The following CHP2 variants were observed in gnomAD, a reference collection of about 807,000 sequenced individuals.
The protein encoded by CHP2 is calcineurin B homologous protein 2.
CHP2 carries 31 observed loss-of-function variants against 24.7 expected under a neutral mutation model. The observed-to-expected ratio is 1.26, with a 90% CI of 0.94 to 1.69. CHP2 has a LOEUF of 1.69. Among genes scored for constraint, CHP2 ranks in the 40% most tolerant of loss-of-function variants. The probability of loss-of-function intolerance (pLI) is 0.00; values close to 1 mark genes in which losing one functional copy is unlikely to be tolerated. For missense variants in CHP2, 319 were observed against 261.5 expected, an observed-to-expected ratio of 1.22 and a Z score of -1.52; for synonymous variants, 97 against 99.1, an observed-to-expected ratio of 0.98 and a Z score of 0.13.
chr16:23,756,005 A>C, intron 3 of CHP2, 58 bp from the exon 4 acceptor site: 1 of 1,613,758 alleles, frequency 6.2e-7, no homozygotes, highest in Non-Finnish European at 8.5e-7. Flanking sequence ...TTAGAGACGG[A>C]GGCAAAGTGA....
rs139657684 is a variant in CHP2, at chr16:23,755,601, C to T, written c.68-60C>T. On this transcript the variant is annotated intron_variant, in intron 1 of 6. Transcript: ENST00000300113. ...GGCCCATCTTCCTGGCCTGTTGGGG[C>T]GGGTTTCTGGAGCTGGCCCTGCAGA... The T allele has an allele frequency of 3.0e-5, 43 of 1,439,146 alleles. No individual in the cohort carries two copies. In the Middle Eastern group the frequency reaches 6.9e-4, roughly 23 times the overall value. 89.1% of individuals were successfully genotyped at this position (1,439,146 alleles called of 1,614,324 possible).
Position 23,758,308 on chromosome 16 carries a change from T to C in CHP2, c.*725T>C, listed in dbSNP as rs1961255194. On this transcript the variant is annotated 3_prime_UTR_variant, in exon 7 of 7. Transcript: ENST00000300113. ...AAATCACTGAAAACCCAACTCAAAG[T>C]GACTTAAGTCAGAAAGAAATTTTAT... 6.6e-6 allele frequency: 1 copy of C among 152,280 alleles called. No homozygotes were observed. The highest frequency in any genetic ancestry group is 6.5e-5 in the Admixed American group (1 of 15,284). 9.4% of individuals were successfully genotyped at this position (152,280 alleles called of 1,614,324 possible). A position where few individuals can be genotyped will look rare whatever the true frequency, so the allele number is the denominator to read the frequency against.
intron 5 of CHP2, among the ~76,000 whole-genome samples, chr16:23,756,844 AT>A (rs1196834470): frequency 6.6e-6 from 1 of 152,132 alleles, no homozygotes; most frequent in African/African-American, 2.4e-5. Context: ...CTGGCTCCAA[AT>A]GTCAACAGTG....
chr16:23,755,669 G>C lies in CHP2; in HGVS notation c.76G>C (p.Ala26Pro), dbSNP rs758157005. The C allele has an allele frequency of 6.2e-7, 1 of 1,613,970 alleles. No homozygotes were observed. Among genetic ancestry groups the C allele is most frequent in the South Asian group, 1.1e-5 (1 of 91,070 alleles). Residue 26 changes from alanine (A) to proline (P), a missense_variant, in exon 2 of 7, where the codon GCC (alanine) becomes CCC (proline). Physicochemically the swap from Ala to Pro is conservative, Grantham distance 27. Transcript: ENST00000300113. Reference protein sequence around the residue: ...SIRRETGFSQASLLRLHHRFR... With the variant: ...SIRRETGFSQPSLLRLHHRFR... ...CACTCTCCTTCCCGCAGTCTCCCAA[G>C]CCAGCCTGCTCCGCCTGCACCACCG...
At chr16:23,755,985 G>A in intron 3 of CHP2, 58 bp downstream of exon 3, 2 of 1,613,584 alleles carry the variant, frequency 1.2e-6, no homozygotes, top group Middle Eastern at 1.7e-4. Flanking sequence ...TGAGTGGGTG[G>A]GAGGGGAGGT....
chr16:23,757,316 T>C lies in CHP2; in HGVS notation c.530T>C (p.Phe177Ser). 4 of 1,610,302 alleles carry C rather than the reference T, an allele frequency of 2.5e-6. No homozygotes were observed. Among genetic ancestry groups the C allele is most frequent in the Non-Finnish European group, 3.4e-6 (4 of 1,177,806 alleles). ...DGDGAVSFVE[F>S]TKSLEKMDVE... ...GATGGGGCTGTGTCCTTCGTGGAGT[T>C]CACCAAGGTCAGAGTGCCCTTGGGG... is the stretch of plus-strand genomic sequence containing the variant. The change falls in exon 6 of 7, where the codon TTC becomes TCC. Residue 177 changes from phenylalanine to serine, a missense_variant. Transcript: ENST00000300113.
Position 23,757,642 on chromosome 16 carries a change from G to T in CHP2, c.*59G>T. ...AGTATCTCCTTGGAATTCATCCAAA[G>T]CCCCCATGGACGCATGGACGCAGGG... On this transcript the variant is annotated 3_prime_UTR_variant, in exon 7 of 7. Coordinates refer to ENST00000300113, the MANE Select transcript of CHP2 (RefSeq NM_022097.4). 6.8e-7 allele frequency: 1 copy of T among 1,462,026 alleles called. No individual in the cohort carries two copies. The highest frequency in any genetic ancestry group is 9.6e-7 in the Non-Finnish European group (1 of 1,041,342). The allele number at this position is 1,462,026 out of a possible 1,614,324, so 90.6% of individuals were successfully genotyped here.
intron 6 of CHP2, 49 bp from the exon 7 acceptor site, chr16:23,757,481 T>A: frequency 6.2e-7 from 1 of 1,601,068 alleles, no homozygotes. Flanking sequence ...GTTGGGAGCA[T>A]GGAGAGCTGA....
chr16:23,756,314 G>A (rs1961225183), intron 4 of CHP2, 74 bp from the exon 5 acceptor site: 2 of 1,586,740 alleles, frequency 1.3e-6, no homozygotes, highest in Non-Finnish European at 1.7e-6. Context: ...TCCAAGGTGG[G>A]GGGAAGGAAG....
At chr16:23,756,027 A>G in intron 3 of CHP2, 36 bp from the exon 4 acceptor site, 1 of 1,613,606 alleles carries the variant, frequency 6.2e-7, no homozygotes, top group Non-Finnish European at 8.5e-7. Flanking sequence ...GGCCAAGGTG[A>G]CCACCACCTC....
rs1390045640 is a variant in CHP2 at position 23,755,069 on chromosome 16, A to G, written c.20A>G (p.His7Arg). Residue 7 changes from histidine to arginine, a missense_variant, in exon 1 of 7, where the codon CAC (histidine) becomes CGC (arginine). His to Arg is a conservative substitution (Grantham distance 29). Coordinates refer to ENST00000300113, the MANE Select transcript of CHP2 (RefSeq NM_022097.4). MGSRSS[H>R]AAVIPDGDSI... ...TCGGCCATGGGGTCGCGCAGCTCCC[A>G]CGCCGCGGTCATTCCCGACGGGGAC... 2 of 1,598,294 alleles carry G rather than the reference A, an allele frequency of 1.3e-6. No homozygotes were observed. The highest frequency in any genetic ancestry group is 1.7e-5 in the Admixed American group (1 of 59,194).
chr16:23,757,559 A>T lies in CHP2; in HGVS notation c.567A>T (p.Lys189Asn). The T allele has an allele frequency of 6.2e-7, 1 of 1,614,062 alleles. No individual in the cohort carries two copies. The highest frequency in any genetic ancestry group is 8.5e-7 in the Non-Finnish European group (1 of 1,179,988). ...KSLEKMDVEQ[K>N]MSIRILK ...TAGAGAAGATGGACGTTGAGCAAAA[A>T]ATGAGCATCCGGATCCTGAAGTGAC... is the stretch of plus-strand genomic sequence containing the variant. Residue 189 changes from lysine (K) to asparagine (N), a missense_variant, in exon 7 of 7, where the codon AAA becomes AAT. Lys to Asn is a moderately conservative substitution (Grantham distance 94). Coordinates refer to ENST00000300113, the MANE Select transcript of CHP2 (RefSeq NM_022097.4).
At chr16:23,755,460 C>T in intron 1 of CHP2, 1 of 609,746 alleles carries the variant, frequency 1.6e-6, no homozygotes, top group Non-Finnish European at 2.9e-6. Context: ...GGTTGCGAGC[C>T]GCCCGGGTCT....
At position 23,755,706 on chromosome 16, in the gene CHP2, T is replaced by A; in HGVS notation, c.113T>A (p.Leu38Gln). The change falls in exon 2 of 7, where the codon CTG becomes CAG. Residue 38 changes from leucine to glutamine, a missense_variant. Coordinates refer to ENST00000300113, the MANE Select transcript of CHP2 (RefSeq NM_022097.4). Reference protein sequence around the residue: ...LLRLHHRFRALDRNKKGYLSR... With the variant: ...LLRLHHRFRAQDRNKKGYLSR... The stretch of plus-strand genomic sequence containing the variant: ...CGCCTGCACCACCGGTTCCGGGCAC[T>A]GGACAGGAATAAGAAGGGCTACCTG... The A allele has an allele frequency of 6.2e-7, 1 of 1,614,160 alleles. No homozygotes were observed. The highest frequency in any genetic ancestry group is 1.1e-5 in the South Asian group (1 of 91,082).
intron 5 of CHP2, 24 bp downstream of exon 5, chr16:23,756,473 G>T (rs1019482927): frequency 1.3e-6 from 2 of 1,597,482 alleles, no homozygotes; most frequent in South Asian, 2.2e-5. Flanking sequence ...GAGAGCAAGA[G>T]ATGTGATGTG....
chr16:23,755,197 G>T, intron 1 of CHP2, 81 bp downstream of exon 1: 1 of 1,039,072 alleles, frequency 9.6e-7, no homozygotes, highest in East Asian at 2.6e-5. Flanking sequence ...TTGGGTTGAA[G>T]GATGGACGAA....
Position 23,756,213 on chromosome 16 carries a change from C to T in CHP2, c.352+20C>T. 6.2e-7 allele frequency: 1 copy of T among 1,613,306 alleles called. No individual in the cohort carries two copies. The highest frequency in any genetic ancestry group is 2.2e-5 in the East Asian group (1 of 44,870). On this transcript the variant is annotated intron_variant, in intron 4 of 6. Coordinates refer to ENST00000300113, the MANE Select transcript of CHP2 (RefSeq NM_022097.4). ...TTCACTGTGAGTTTGTGAGGACCTG[C>T]ACAAGTGAGAATGCAGATGTACCCA... is the stretch of plus-strand genomic sequence containing the variant.
chr16:23,756,892 T>C (rs1961232834), intron 5 of CHP2, among the ~76,000 whole-genome samples: 1 of 151,980 alleles, frequency 6.6e-6, no homozygotes, highest in African/African-American at 2.4e-5. Context: ...TGTGATGGAA[T>C]GAGGATGGAA....
rs934980052 is a variant in CHP2, at chr16:23,757,964, A to G, written c.*381A>G. 43 of 339,184 alleles carry G rather than the reference A, an allele frequency of 1.3e-4. No individual in the cohort carries two copies. The highest frequency in any genetic ancestry group is 2.3e-5 in the Non-Finnish European group (4 of 177,308). The allele number at this position is 339,184 out of a possible 1,614,324, so 21.0% of individuals were successfully genotyped here. A position where few individuals can be genotyped will look rare whatever the true frequency, so the allele number is the denominator to read the frequency against. On this transcript the variant is annotated 3_prime_UTR_variant, in exon 7 of 7. Coordinates refer to ENST00000300113, the MANE Select transcript of CHP2 (RefSeq NM_022097.4). ...TTTTCCTGCAATTAGACGGTCCCATATGGGAGTGATGGGAGACAGTGACAG... is the reference window on the plus strand; with the variant it reads ...TTTTCCTGCAATTAGACGGTCCCATGTGGGAGTGATGGGAGACAGTGACAG...
Sources: allele counts gnomAD v4.1 joint callset (sites outside exome capture counted in the v4.1 genomes callset), GRCh38; gene constraint gnomAD v4.1.1; transcripts MANE v1.5; gene names NCBI Gene and HGNC (gene_info 2026-07-23, HGNC 2026-07-21).